DLG2: variants seen among roughly 807,000 people sequenced by gnomAD.
The protein encoded by DLG2 is discs large MAGUK scaffold protein 2.
Under a neutral mutation model 132.5 loss-of-function variants are expected in DLG2, and 45 were observed. That is an observed-to-expected ratio of 0.34 (90% confidence interval 0.27 to 0.44). The LOEUF (loss-of-function observed/expected upper bound fraction) is 0.44, where lower values mean the gene tolerates loss of function less well. Among genes scored for constraint, DLG2 ranks in the 20% least tolerant of loss-of-function variants. The probability of loss-of-function intolerance (pLI) is 1.00; values close to 1 mark genes in which losing one functional copy is unlikely to be tolerated. For missense variants in DLG2, 1,045 were observed against 1,196.9 expected, an observed-to-expected ratio of 0.87 and a Z score of 1.87; for synonymous variants, 424 against 419.6, an observed-to-expected ratio of 1.01 and a Z score of -0.13.
At chr11:84,453,184 A>G (rs1377870249) in intron 7 of DLG2, among the ~76,000 whole-genome samples, 2 of 151,724 alleles carry the variant, frequency 1.3e-5, no homozygotes, top group East Asian at 1.9e-4. Flanking sequence ...ATAAGTCCAG[A>G]GTTTGAGGAA....
intron 3 of DLG2, among the ~76,000 whole-genome samples, chr11:85,520,868 C>T (rs946955271): frequency 1.3e-5 from 2 of 151,828 alleles, no homozygotes; most frequent in East Asian, 3.9e-4. Flanking sequence ...CAAATCAAAA[C>T]GGATTAAAGA....
intron 18 of DLG2, among the ~76,000 whole-genome samples, chr11:83,705,769 T>A (rs1263239580): frequency 5.9e-5 from 9 of 152,228 alleles, no homozygotes; most frequent in African/African-American, 2.2e-4. Context: ...TCTCTAGCAA[T>A]GAATTCTCTT....
chr11:84,784,766 T>C (rs904692479), intron 6 of DLG2, among the ~76,000 whole-genome samples: 4 of 152,182 alleles, frequency 2.6e-5, no homozygotes, highest in Non-Finnish European at 5.9e-5. Context: ...CTTATATAAA[T>C]AGAGAGTAGA....
chr11:84,427,537 G>T (rs2098970848), intron 7 of DLG2, among the ~76,000 whole-genome samples: 1 of 152,136 alleles, frequency 6.6e-6, no homozygotes, highest in South Asian at 2.1e-4. Flanking sequence ...AGATGACAAA[G>T]AACTTTTACA....
intron 6 of DLG2, among the ~76,000 whole-genome samples, chr11:84,782,569 A>G (rs1441132036): frequency 6.6e-6 from 1 of 152,170 alleles, no homozygotes; most frequent in Non-Finnish European, 1.5e-5. Context: ...TCCCGGGTTA[A>G]GAAATCCTAG....
At chr11:85,583,857 G>C (rs1268473010) in intron 3 of DLG2, among the ~76,000 whole-genome samples, 4 of 152,186 alleles carry the variant, frequency 2.6e-5, no homozygotes, top group Admixed American at 2.6e-4. Flanking sequence ...TATTGGGGTT[G>C]CAAATCTAAG....
At chr11:85,285,139 T>C in intron 4 of DLG2, 81 bp downstream of exon 4, 1 of 1,214,000 alleles carries the variant, frequency 8.2e-7, no homozygotes, top group South Asian at 1.7e-5. Flanking sequence ...TTGTTGATAA[T>C]AATCACCACT....
In DLG2 at chr11:84,958,109, T is replaced by A. The variant is rs992578352; in HGVS notation, c.357+153552A>T. ...TTTGTTTAATATTATGTTTGAAGCA[T>A]AGAATGCACCCAATATGTTAGTAGT... is the stretch of plus-strand genomic sequence containing the variant. On this transcript the variant is annotated intron_variant, in intron 6 of 27. Transcript: ENST00000376104. Among the ~76,000 whole-genome samples, 11 of 152,306 alleles carry A rather than the reference T, an allele frequency of 7.2e-5. No homozygotes were observed. In the South Asian group the frequency reaches 1.2e-3, roughly 17 times the overall value.
At chr11:85,241,814 C>T (rs1256004239) in intron 4 of DLG2, among the ~76,000 whole-genome samples, 2 of 151,864 alleles carry the variant, frequency 1.3e-5, no homozygotes, top group Non-Finnish European at 2.9e-5. Context: ...TAATAGAAGT[C>T]TGTAATTAAG....
chr11:84,868,352 T>C (rs2084952963), intron 6 of DLG2, among the ~76,000 whole-genome samples: 1 of 152,110 alleles, frequency 6.6e-6, no homozygotes, highest in Non-Finnish European at 1.5e-5. Flanking sequence ...ACATATGCAT[T>C]TTCTTAAACA....
chr11:84,460,500 C>T (rs2154485288), intron 7 of DLG2, among the ~76,000 whole-genome samples: 1 of 150,442 alleles, frequency 6.6e-6, no homozygotes, highest in South Asian at 2.1e-4. Context: ...ACACATCTCT[C>T]TCATGTTCAA....
At chr11:84,976,844 C>A (rs1219764945) in intron 6 of DLG2, among the ~76,000 whole-genome samples, 1 of 152,130 alleles carries the variant, frequency 6.6e-6, no homozygotes, top group Non-Finnish European at 1.5e-5. Flanking sequence ...TTAATCGATT[C>A]TAAGGTCTAA....
intron 6 of DLG2, among the ~76,000 whole-genome samples, chr11:85,014,899 T>C (rs1251617413): frequency 6.6e-6 from 1 of 152,216 alleles, no homozygotes; most frequent in Non-Finnish European, 1.5e-5. Flanking sequence ...GCCTCACTAC[T>C]GCCGAGTTAT....
intron 18 of DLG2, among the ~76,000 whole-genome samples, chr11:83,633,745 C>CACACAG (rs2064027338): frequency 1.4e-5 from 1 of 69,476 alleles, no homozygotes; most frequent in Non-Finnish European, 3.0e-5. Flanking sequence ...CAGAACTAAA[C>CACACAG]ACACACACAC....
intron 6 of DLG2, among the ~76,000 whole-genome samples, chr11:84,662,350 AT>A (rs2099695321): frequency 6.6e-6 from 1 of 151,754 alleles, no homozygotes; most frequent in African/African-American, 2.4e-5. Flanking sequence ...CTAATGTTGT[AT>A]TTTTACTAGA....
chr11:84,259,936 A>G (rs941507257), intron 7 of DLG2, among the ~76,000 whole-genome samples: 2 of 152,288 alleles, frequency 1.3e-5, no homozygotes, highest in African/African-American at 2.4e-5. Flanking sequence ...TTAAGATTTG[A>G]TAAGTAAAGT....
rs144920100 is a variant in DLG2, at chr11:85,591,961, C to T, written c.40+6696G>A. Among the ~76,000 whole-genome samples the T allele has an allele frequency of 2.6e-5, 4 of 152,308 alleles. No homozygotes were observed. In the East Asian group the frequency reaches 7.7e-4, roughly 29 times the overall value. On this transcript the variant is annotated intron_variant, in intron 3 of 27. Coordinates refer to ENST00000376104, the MANE Select transcript of DLG2 (RefSeq NM_001142699.3). ...GTGAAAACATCCTTCTCTACTCTCTCTTCTAATGCAAATCCTATTAATAAC... is the reference window on the plus strand; with the variant it reads ...GTGAAAACATCCTTCTCTACTCTCTTTTCTAATGCAAATCCTATTAATAAC...
intron 3 of DLG2, among the ~76,000 whole-genome samples, chr11:85,408,977 T>C (rs1354393576): frequency 6.6e-6 from 1 of 151,984 alleles, no homozygotes; most frequent in Non-Finnish European, 1.5e-5. Flanking sequence ...TGTTTCTTAC[T>C]GAGCTCTTAT....
At chr11:84,654,073 A>ACATTAT (rs2154546994) in intron 6 of DLG2, among the ~76,000 whole-genome samples, 1 of 152,252 alleles carries the variant, frequency 6.6e-6, no homozygotes, top group South Asian at 2.1e-4. Flanking sequence ...CATTAATATT[A>ACATTAT]CATTATATAG....
Sources: allele counts gnomAD v4.1 joint callset (sites outside exome capture counted in the v4.1 genomes callset), GRCh38; gene constraint gnomAD v4.1.1; transcripts MANE v1.5; gene names NCBI Gene and HGNC (gene_info 2026-07-23, HGNC 2026-07-21).